The following ANKRD17 variants were observed in gnomAD, a reference collection of about 807,000 sequenced individuals.
The protein encoded by ANKRD17 is ankyrin repeat domain-containing protein 17.
ANKRD17 carries 19 observed loss-of-function variants against 229.7 expected under a neutral mutation model. That is an observed-to-expected ratio of 0.08 (90% CI 0.06 to 0.12). The LOEUF is 0.12. ANKRD17 is among the 10% of genes least tolerant of loss of function. The probability of loss-of-function intolerance (pLI) is 1.00; values close to 1 mark genes in which losing one functional copy is unlikely to be tolerated. For missense variants in ANKRD17, 2,176 were observed against 3,176.8 expected (o/e 0.68, Z 7.57); for synonymous variants, 1,112 against 1,146.1 (o/e 0.97, Z 0.60).
At chr4:73,119,147 A>G (rs1162329635) in intron 21 of ANKRD17, among the ~76,000 whole-genome samples, 1 of 152,018 alleles carries the variant, frequency 6.6e-6, no homozygotes, top group Non-Finnish European at 1.5e-5. Context: ...TCAACCTCTC[A>G]AAGTGCTGGA....
intron 1 of ANKRD17, among the ~76,000 whole-genome samples, chr4:73,206,201 A>G (rs1203993997): frequency 6.6e-6 from 1 of 152,148 alleles, no homozygotes; most frequent in Non-Finnish European, 1.5e-5. Flanking sequence ...TGAAAACAGA[A>G]CTACCATATG....
chr4:73,150,223 C>G (rs1730834336), intron 7 of ANKRD17, among the ~76,000 whole-genome samples: 2 of 152,140 alleles, frequency 1.3e-5, no homozygotes, highest in Admixed American at 6.5e-5. Context: ...AGTTTAAAAA[C>G]TCAGTATTAT....
At chr4:73,186,914 C>A (rs1455000745) in intron 1 of ANKRD17, among the ~76,000 whole-genome samples, 4 of 152,084 alleles carry the variant, frequency 2.6e-5, no homozygotes, top group Non-Finnish European at 5.9e-5. Context: ...ATTGTAAAAG[C>A]AGCTGCAGAA....
Position 73,244,459 on chromosome 4 carries a change from T to TA in ANKRD17, c.393+13816dup, listed in dbSNP as rs1377130689. On this transcript the variant is annotated intron_variant, in intron 1 of 33. Transcript: ENST00000358602. ...TACATGTAATATTTAAATTAAAAAT[T>TA]AAAAAAAATTTAACTCAAATCCTTA... Among the ~76,000 whole-genome samples, 4 of 152,016 alleles carry TA rather than the reference T, an allele frequency of 2.6e-5. No individual in the cohort carries two copies. In the East Asian group the frequency reaches 7.7e-4, roughly 29 times the overall value.
rs189696090 is a variant in ANKRD17, at chr4:73,081,449, G to A, written c.7160-2559C>T. Among the ~76,000 whole-genome samples, 1,000 of 152,270 alleles carry A rather than the reference G, an allele frequency of 6.6e-3. 17 individuals carry two copies. The highest frequency in any genetic ancestry group is 4.3e-3 in the Non-Finnish European group (293 of 68,022). ...GCCTTATATAAACATCATTTTCCAT[G>A]AGAGTCCCTGGATGGGCCTATATTC... On this transcript the variant is annotated intron_variant, in intron 30 of 33. Coordinates refer to ENST00000358602, the MANE Select transcript of ANKRD17 (RefSeq NM_032217.5).
At chr4:73,205,736 G>A (rs1739355025) in intron 1 of ANKRD17, among the ~76,000 whole-genome samples, 1 of 152,152 alleles carries the variant, frequency 6.6e-6, no homozygotes, top group African/African-American at 2.4e-5. Context: ...AAAAATAGAT[G>A]AATGGGATTA....
chr4:73,187,424 G>A (rs1736444157), intron 1 of ANKRD17, among the ~76,000 whole-genome samples: 1 of 152,182 alleles, frequency 6.6e-6, no homozygotes, highest in Non-Finnish European at 1.5e-5. Flanking sequence ...AAGTGAGACA[G>A]GAAAATGGGG....
chr4:73,110,728 G>A (rs1380302054), intron 24 of ANKRD17, among the ~76,000 whole-genome samples: 1 of 152,116 alleles, frequency 6.6e-6, no homozygotes, highest in African/African-American at 2.4e-5. Flanking sequence ...ATGGGCTGTA[G>A]TTCAGGAAAA....
At chr4:73,191,339 A>ATGTGTGTGTGTG (rs1203366910) in intron 1 of ANKRD17, among the ~76,000 whole-genome samples, 664 of 60,738 alleles carry the variant, frequency 0.011, 3 homozygotes, top group Middle Eastern at 0.023. Flanking sequence ...CAAAAAATAT[A>ATGTGTGTGTGTG]TATGTGTGTG....
intron 1 of ANKRD17, chr4:73,223,160 A>G: frequency 1.1e-6 from 1 of 891,604 alleles, no homozygotes; most frequent in East Asian, 2.8e-5. Flanking sequence ...GCTGTTCACT[A>G]GCCAGGCATC....
intron 22 of ANKRD17, 59 bp from the exon 23 acceptor site, chr4:73,115,975 T>C: frequency 1.4e-6 from 2 of 1,409,248 alleles, no homozygotes; most frequent in Admixed American, 1.7e-5. Flanking sequence ...AGTAAATCTA[T>C]GCCTGAACTA....
chr4:73,078,621 G>C, intron 31 of ANKRD17, 21 bp downstream of exon 31: 3 of 1,609,076 alleles, frequency 1.9e-6, no homozygotes, highest in Middle Eastern at 1.7e-4. Flanking sequence ...AATTTCTAGA[G>C]AGCAGGACAG....
At chr4:73,138,265 C>T (rs1214064442) in intron 15 of ANKRD17, among the ~76,000 whole-genome samples, 7 of 152,004 alleles carry the variant, frequency 4.6e-5, no homozygotes, top group South Asian at 2.1e-4. Context: ...CAATAAGAGT[C>T]GTACAATTCT....
In ANKRD17 at chr4:73,149,048, A is replaced by G. The variant is rs1560598473; in HGVS notation, c.1332T>C (p.Asp444=). Residue 444 remains aspartate, a splice_region_variant and synonymous_variant, in exon 8 of 34, where the codon GAT becomes GAC. Transcript: ENST00000358602. ...MHTALMEACM[D]GHVEVARLLL... is the part of the protein sequence containing the mutation. Reference sequence around the variant, plus strand: ...GTAACCTAGCTACTTCAACATGGCCATCCTAATGATAATACAATTTAAAAA... The same window carrying G: ...GTAACCTAGCTACTTCAACATGGCCGTCCTAATGATAATACAATTTAAAAA... The G allele has an allele frequency of 6.2e-7, 1 of 1,610,896 alleles. No individual in the cohort carries two copies. Among genetic ancestry groups the G allele is most frequent in the Non-Finnish European group, 8.5e-7 (1 of 1,178,054 alleles).
intron 20 of ANKRD17, 32 bp from the exon 21 acceptor site, chr4:73,120,369 A>C (rs1277871852): frequency 6.3e-7 from 1 of 1,591,322 alleles, no homozygotes; most frequent in South Asian, 1.1e-5. Context: ...AAGTAATGAC[A>C]CGTAAGAGAC....
Position 73,078,876 on chromosome 4 carries a change from A to C in ANKRD17, c.7174T>G (p.Ser2392Ala). The change falls in exon 31 of 34, where the codon TCA (serine) becomes GCA (alanine). Residue 2392 changes from serine to alanine, a missense_variant. Physicochemically the swap from Ser to Ala is moderately conservative, Grantham distance 99. Around this residue, in one of 18 missense-constraint regions of ANKRD17, gnomAD observed 87 missense variants for 116.0 expected, o/e 0.75. Transcript: ENST00000358602. ...SSASNDSSAQ[S>A]VSSGVRAPSP... ...GGTGCACGAACTCCCGAGGATACTG[A>C]CTGTGCAGAAGAATCTAGAGAAGAG... The C allele has an allele frequency of 6.2e-7, 1 of 1,614,126 alleles. No individual in the cohort carries two copies. The highest frequency in any genetic ancestry group is 8.5e-7 in the Non-Finnish European group (1 of 1,179,998).
At chr4:73,216,820 G>A in intron 1 of ANKRD17, among the ~76,000 whole-genome samples, 1 of 152,142 alleles carries the variant, frequency 6.6e-6, no homozygotes, top group Middle Eastern at 3.2e-3. Flanking sequence ...TTCCATCCAA[G>A]ACTAAATTAT....
rs578185273 is a variant in ANKRD17 at position 73,159,806 on chromosome 4, C to T, written c.704+1386G>A. 7.4e-4 allele frequency among the ~76,000 whole-genome samples: 113 copies of T among 152,024 alleles called. 1 individual carries two copies. Among genetic ancestry groups the T allele is most frequent in the Admixed American group, 1.8e-3 (28 of 15,286 alleles). On this transcript the variant is annotated intron_variant, in intron 3 of 33. Transcript: ENST00000358602. ...TGAACATTTACTATGGAATAGAAAC[C>T]GAGGTTAACTAAAGAAGGGAGTCAG...
intron 1 of ANKRD17, among the ~76,000 whole-genome samples, chr4:73,203,058 G>A (rs961675363): frequency 6.6e-6 from 1 of 152,138 alleles, no homozygotes; most frequent in African/African-American, 2.4e-5. Flanking sequence ...CACAAAAAAA[G>A]ATCAGTGAAC....
Sources: allele counts gnomAD v4.1 joint callset (sites outside exome capture counted in the v4.1 genomes callset), GRCh38; gene constraint gnomAD v4.1.1; regional missense constraint gnomAD v4.1.1; transcripts MANE v1.5; gene names NCBI Gene and HGNC (gene_info 2026-07-23, HGNC 2026-07-21).